The following NAV3 variants were observed in gnomAD, a reference collection of about 807,000 sequenced individuals.
NAV3 encodes the protein pore membrane and/or filament interacting like protein 1.
Under a neutral mutation model 244.7 loss-of-function variants are expected in NAV3, and 87 were observed. The observed-to-expected ratio is 0.36, with a 90% CI of 0.30 to 0.42. NAV3 has a LOEUF of 0.42. NAV3 is among the 20% of genes least tolerant of loss of function. The pLI is 1.00. For missense variants in NAV3, 2,663 were observed against 2,893.3 expected, an observed-to-expected ratio of 0.92 and a Z score of 1.83; for synonymous variants, 1,126 against 1,042.2, an observed-to-expected ratio of 1.08 and a Z score of -1.55.
At chr12:77,694,828 T>C (rs1318487597) in intron 2 of NAV3, among the ~76,000 whole-genome samples, 2 of 152,160 alleles carry the variant, frequency 1.3e-5, no homozygotes, top group Non-Finnish European at 2.9e-5. Context: ...TTGTCCATAA[T>C]TATGCCAAGA....
intron 1 of NAV3, among the ~76,000 whole-genome samples, chr12:77,857,133 A>G (rs555942787): frequency 7.1e-4 from 108 of 152,226 alleles, no homozygotes; most frequent in African/African-American, 2.5e-3. Context: ...GTTGGAATCC[A>G]ACTGTTTTAC....
intron 12 of NAV3, among the ~76,000 whole-genome samples, chr12:78,071,945 T>A (rs1952792344): frequency 6.6e-6 from 1 of 152,128 alleles, no homozygotes; most frequent in African/African-American, 2.4e-5. Flanking sequence ...ACTGGGTACA[T>A]AATGAAATGA....
chr12:77,791,747 A>G (rs1336032505), intron 2 of NAV3, among the ~76,000 whole-genome samples: 2 of 152,218 alleles, frequency 1.3e-5, no homozygotes, highest in African/African-American at 4.8e-5. Context: ...GGATAAAAAT[A>G]TAGTTACGCC....
chr12:78,096,160 T>G (rs1232123773), intron 12 of NAV3, among the ~76,000 whole-genome samples: 2 of 152,178 alleles, frequency 1.3e-5, no homozygotes, highest in African/African-American at 4.8e-5. Context: ...AGCTGATGAA[T>G]CAACACCTCA....
chr12:77,929,798 A>ATTTTTTTTTTTTT (rs10602394), intron 1 of NAV3, among the ~76,000 whole-genome samples: 49 of 105,996 alleles, frequency 4.6e-4, no homozygotes, highest in Non-Finnish European at 7.4e-4. Context: ...ACGGCCAGCT[A>ATTTTTTTTTTTTT]TTTTTTTTTT....
chr12:78,049,196 C>G (rs1882345675), intron 9 of NAV3, among the ~76,000 whole-genome samples: 1 of 152,176 alleles, frequency 6.6e-6, no homozygotes, highest in Non-Finnish European at 1.5e-5. Context: ...ACTTAGCTCC[C>G]TGGCTTCAGC....
intron 2 of NAV3, among the ~76,000 whole-genome samples, chr12:77,638,036 T>A (rs1050714809): frequency 6.6e-6 from 1 of 152,218 alleles, no homozygotes; most frequent in Non-Finnish European, 1.5e-5. Context: ...ATTTGCCATC[T>A]TATTTGTGCA....
chr12:77,951,945 C>T (rs962511863), intron 3 of NAV3, among the ~76,000 whole-genome samples: 2 of 151,868 alleles, frequency 1.3e-5, no homozygotes, highest in Non-Finnish European at 2.9e-5. Context: ...GGAGGGATAG[C>T]ATCAGGAGAT....
intron 2 of NAV3, among the ~76,000 whole-genome samples, chr12:77,744,827 A>G (rs1259501711): frequency 6.6e-6 from 1 of 151,934 alleles, no homozygotes; most frequent in Non-Finnish European, 1.5e-5. Context: ...AAGATGTGTC[A>G]TAAAACTAAT....
chr12:78,150,594 G>T (rs552302518), intron 22 of NAV3, among the ~76,000 whole-genome samples: 5 of 148,290 alleles, frequency 3.4e-5, no homozygotes, highest in African/African-American at 1.2e-4. Context: ...ATATGCTAAT[G>T]TGTATATATA....
rs1157002891 is a variant in NAV3 at position 78,021,819 on chromosome 12, A to G, written c.1980A>G (p.Leu660=). The G allele has an allele frequency of 6.2e-7, 1 of 1,611,262 alleles. No individual in the cohort carries two copies. Among genetic ancestry groups the G allele is most frequent in the Non-Finnish European group, 8.5e-7 (1 of 1,178,466 alleles). The change falls in exon 9 of 40, where the codon TTA becomes TTG. Residue 660 remains leucine (L), a synonymous_variant. Coordinates refer to ENST00000397909, the MANE Select transcript of NAV3 (RefSeq NM_001024383.2). ...GTACCAGTCCTACAAAGATGGACTT[A>G]TCATATAGTAAGACTGCTAAGCAGT... ...DSCTSPTKMD[L]SYSKTAKQCL...
chr12:77,745,645 G>C (rs1868498130), intron 2 of NAV3, among the ~76,000 whole-genome samples: 1 of 151,896 alleles, frequency 6.6e-6, no homozygotes, highest in East Asian at 1.9e-4. Flanking sequence ...GGAAAACTGA[G>C]GACATTTTAT....
chr12:77,791,725 TCAAA>T (rs1871185160), intron 2 of NAV3, among the ~76,000 whole-genome samples: 1 of 152,176 alleles, frequency 6.6e-6, no homozygotes. Context: ...ATTCGTAGAT[TCAAA>T]CAATCATGGA....
At chr12:77,879,874 G>A (rs1882404046) in intron 1 of NAV3, among the ~76,000 whole-genome samples, 1 of 152,216 alleles carries the variant, frequency 6.6e-6, no homozygotes, top group Admixed American at 6.5e-5. Context: ...GTAGTACACA[G>A]CAGGTGATAA....
At chr12:77,599,509 T>G (rs1194340196) in intron 2 of NAV3, among the ~76,000 whole-genome samples, 1 of 151,896 alleles carries the variant, frequency 6.6e-6, no homozygotes, top group East Asian at 1.9e-4. Context: ...TGATTCTGTT[T>G]GTTAAAATAT....
At chr12:78,108,936 A>T (rs1306697049) in intron 12 of NAV3, among the ~76,000 whole-genome samples, 1 of 152,092 alleles carries the variant, frequency 6.6e-6, no homozygotes, top group Non-Finnish European at 1.5e-5. Flanking sequence ...CAAAATCAGC[A>T]GAAGAAACAC....
intron 2 of NAV3, among the ~76,000 whole-genome samples, chr12:77,670,468 T>C (rs552520152): frequency 2.6e-5 from 4 of 151,872 alleles, no homozygotes; most frequent in African/African-American, 9.6e-5. Flanking sequence ...GTACCAAAAC[T>C]AGGGAAAGAC....
At chr12:78,013,227 A>G (rs1272598782) in intron 8 of NAV3, among the ~76,000 whole-genome samples, 8 of 152,184 alleles carry the variant, frequency 5.3e-5, no homozygotes, top group Admixed American at 4.6e-4. Flanking sequence ...TGAAAAAATC[A>G]TACGTCCTAT....
At chr12:78,112,337 A>G (rs1348753511) in intron 12 of NAV3, among the ~76,000 whole-genome samples, 1 of 152,172 alleles carries the variant, frequency 6.6e-6, no homozygotes, top group Non-Finnish European at 1.5e-5. Flanking sequence ...TGAGCTTTTT[A>G]TATCCTATTT....
Sources: allele counts gnomAD v4.1 joint callset (sites outside exome capture counted in the v4.1 genomes callset), GRCh38; gene constraint gnomAD v4.1.1; transcripts MANE v1.5; gene names NCBI Gene and HGNC (gene_info 2026-07-23, HGNC 2026-07-21).